CENPP: variants seen among roughly 807,000 people sequenced by gnomAD.
CENPP encodes the protein centromere protein P.
Under a neutral mutation model 35.6 loss-of-function variants are expected in CENPP, and 24 were observed. The observed-to-expected ratio is 0.67, with a 90% confidence interval of 0.49 to 0.95. The LOEUF is 0.95. CENPP is among the 40% of genes least tolerant of loss of function. The probability of loss-of-function intolerance (pLI) is 0.00; values close to 1 mark genes in which losing one functional copy is unlikely to be tolerated. For synonymous variants in CENPP, 120 were observed against 125.5 expected (o/e 0.96, Z 0.29); for missense variants, 332 against 345.3 (o/e 0.96, Z 0.31).
intron 5 of CENPP, among the ~76,000 whole-genome samples, chr9:92,497,470 C>A (rs1564354251): frequency 6.6e-6 from 1 of 151,788 alleles, no homozygotes; most frequent in African/African-American, 2.4e-5. Context: ...ACTGAAAATA[C>A]AAAATTAGCT....
intron 5 of CENPP, among the ~76,000 whole-genome samples, chr9:92,604,755 C>T (rs531941969): frequency 6.6e-6 from 1 of 151,718 alleles, no homozygotes; most frequent in Admixed American, 6.6e-5. Context: ...ACACTATGCC[C>T]AGCTAATTTT....
chr9:92,567,383 T>TATATATATATATATATATATATATATAG (rs1564005533), intron 5 of CENPP, among the ~76,000 whole-genome samples: 1 of 94,642 alleles, frequency 1.1e-5, no homozygotes. Flanking sequence ...GATATATATA[T>TATATATATATATATATATATATATATAG]ATATATATAT....
chr9:92,442,893 T>C (rs547684079), intron 5 of CENPP, among the ~76,000 whole-genome samples: 1 of 151,454 alleles, frequency 6.6e-6, no homozygotes, highest in South Asian at 2.1e-4. Context: ...ACCATTATGA[T>C]GAAAATTTTT....
intron 5 of CENPP, among the ~76,000 whole-genome samples, chr9:92,569,717 G>A (rs932344021): frequency 2.0e-5 from 3 of 152,184 alleles, no homozygotes; most frequent in South Asian, 4.1e-4. Context: ...CATGAGCATG[G>A]AATGTTCTTC....
chr9:92,420,122 G>C (rs370614921), intron 5 of CENPP, among the ~76,000 whole-genome samples: 61 of 152,170 alleles, frequency 4.0e-4, no homozygotes, highest in African/African-American at 1.4e-3. Flanking sequence ...CGCATCCTGG[G>C]TTTTGTCTTT....
chr9:92,550,577 C>T (rs1451377762), intron 5 of CENPP, among the ~76,000 whole-genome samples: 8 of 150,564 alleles, frequency 5.3e-5, no homozygotes, highest in African/African-American at 2.0e-4. Flanking sequence ...TGTTTGATTT[C>T]CTGTCCTGCT....
intron 5 of CENPP, among the ~76,000 whole-genome samples, chr9:92,532,499 A>G (rs141587485): frequency 9.1e-4 from 139 of 152,042 alleles, no homozygotes; most frequent in African/African-American, 3.1e-3. Context: ...TGTGTCTTTA[A>G]TGTCACTTTC....
intron 5 of CENPP, among the ~76,000 whole-genome samples, chr9:92,482,943 T>C (rs1438105362): frequency 6.6e-6 from 1 of 151,826 alleles, no homozygotes; most frequent in Non-Finnish European, 1.5e-5. Context: ...AGCACTGCTA[T>C]AGCATGTCAG....
chr9:92,419,598 C>G (rs977603186), intron 5 of CENPP, among the ~76,000 whole-genome samples: 1 of 152,164 alleles, frequency 6.6e-6, no homozygotes, highest in East Asian at 1.9e-4. Context: ...TGCATCCAGC[C>G]TCCTTGTGTC....
At chr9:92,325,658 TAGTGAGGCACGC>T, upstream of CENPP, 1 of 292,926 alleles carries the variant, frequency 3.4e-6, no homozygotes, top group Non-Finnish European at 6.5e-6. Context: ...CCTGCCTCTT[TAGTGAGGCACGC>T]GGCCGGGCGG....
At chr9:92,516,079 C>A (rs189720948) in intron 5 of CENPP, among the ~76,000 whole-genome samples, 20 of 150,308 alleles carry the variant, frequency 1.3e-4, no homozygotes, top group East Asian at 7.8e-4. Context: ...TTTTCCCCCC[C>A]CCGAGACGGA....
chr9:92,457,037 G>A, intron 5 of CENPP: 1 of 1,232,720 alleles, frequency 8.1e-7, no homozygotes, highest in East Asian at 3.8e-5. Context: ...GGTCAAGCAT[G>A]AGATTTATGT....
chr9:92,525,957 A>G (rs1848382200), intron 5 of CENPP, among the ~76,000 whole-genome samples: 1 of 151,386 alleles, frequency 6.6e-6, no homozygotes, highest in Non-Finnish European at 1.5e-5. Context: ...ATACTTTCAT[A>G]TACAACTATA....
intron 5 of CENPP, chr9:92,417,339 A>T: frequency 6.2e-7 from 1 of 1,614,058 alleles, no homozygotes; most frequent in Non-Finnish European, 8.5e-7. Context: ...TACATTGATG[A>T]TGGAAAGTTA....
chr9:92,381,836 C>T (rs546772891), intron 5 of CENPP, among the ~76,000 whole-genome samples: 1 of 151,912 alleles, frequency 6.6e-6, no homozygotes, highest in South Asian at 2.1e-4. Flanking sequence ...TACCATTTTA[C>T]ACCAGCAAAG....
intron 5 of CENPP, among the ~76,000 whole-genome samples, chr9:92,458,127 G>A (rs1401191472): frequency 6.6e-6 from 1 of 152,162 alleles, no homozygotes; most frequent in Non-Finnish European, 1.5e-5. Flanking sequence ...ATGTACACCA[G>A]TGGACAAGTC....
chr9:92,365,059 C>T (rs976071655), intron 4 of CENPP, among the ~76,000 whole-genome samples: 11 of 152,160 alleles, frequency 7.2e-5, no homozygotes, highest in Non-Finnish European at 1.3e-4. Context: ...CAAGCATTGT[C>T]GTTGTGCTTA....
chr9:92,383,829 T>C (rs1033758721), intron 5 of CENPP: 7 of 152,268 alleles, frequency 4.6e-5, no homozygotes, highest in African/African-American at 1.7e-4. Flanking sequence ...TTGAGAGTTA[T>C]TTGATGGTGT....
chr9:92,386,531 C>A (rs1428997625), intron 5 of CENPP, among the ~76,000 whole-genome samples: 1 of 152,082 alleles, frequency 6.6e-6, no homozygotes, highest in African/African-American at 2.4e-5. Flanking sequence ...CTGCCGCATA[C>A]CCCACACTTC....
Sources: allele counts gnomAD v4.1 joint callset (sites outside exome capture counted in the v4.1 genomes callset), GRCh38; gene constraint gnomAD v4.1.1; transcripts MANE v1.5; gene names NCBI Gene and HGNC (gene_info 2026-07-23, HGNC 2026-07-21).